Variants in ZNF148 observed in about 807,000 individuals in gnomAD.
ZNF148 encodes the protein Beta-Enolase Repressor Factor-1.
ZNF148 carries 7 observed loss-of-function variants against 67.7 expected under a neutral mutation model. The observed-to-expected ratio is 0.10, with a 90% CI of 0.06 to 0.19. ZNF148 has a LOEUF of 0.19. Ranked by LOEUF, ZNF148 falls within the 10% of genes least tolerant of loss-of-function variation. ZNF148 has a pLI of 1.00. For synonymous variants in ZNF148, 333 were observed against 330.7 expected (o/e 1.01, Z -0.08); for missense variants, 583 against 947.1 (o/e 0.62, Z 5.05).
chr3:125,332,718 G>T (rs1941339976), intron 1 of ZNF148, among the ~76,000 whole-genome samples: 1 of 152,084 alleles, frequency 6.6e-6, no homozygotes, highest in Non-Finnish European at 1.5e-5. Context: ...TATAAATACT[G>T]CCTGCCTATG....
chr3:125,268,425 ATAT>A (rs1937588754), intron 7 of ZNF148, among the ~76,000 whole-genome samples: 1 of 152,134 alleles, frequency 6.6e-6, no homozygotes, highest in Non-Finnish European at 1.5e-5. Context: ...CAACCAATTG[ATAT>A]TCAAGAAAGT....
chr3:125,232,412 C>A lies in ZNF148; in HGVS notation c.2314G>T (p.Val772Leu). 1 of 1,613,430 alleles carries A rather than the reference C, an allele frequency of 6.2e-7. No individual in the cohort carries two copies. Among genetic ancestry groups the A allele is most frequent in the Non-Finnish European group, 8.5e-7 (1 of 1,179,688 alleles). ...TSAEFSEFPL[V>L]NVNDNRAGMT... The stretch of plus-strand genomic sequence containing the variant: ...CCAGCTCTATTATCATTTACATTCA[C>A]CAAGGGAAATTCTGAAAATTCAGCA... Residue 772 changes from valine (V) to leucine (L), a missense_variant, in exon 9 of 9, where the codon GTG (valine) becomes TTG (leucine). By Grantham distance (32) the Val-to-Leu change is conservative. This residue lies in a region of ZNF148 where 158 missense variants were observed against 208.4 expected (regional missense o/e 0.76). Transcript: ENST00000360647. This position sits in a 1 kb window ranked among gnomAD's most constrained non-coding sequence, Gnocchi z 4.2.
In ZNF148 at chr3:125,352,680, A is replaced by G. The variant is rs1942197582; in HGVS notation, c.-233-21442T>C. Among the ~76,000 whole-genome samples, 3 of 141,772 alleles carry G rather than the reference A, an allele frequency of 2.1e-5. No homozygotes were observed. In the East Asian group the frequency reaches 6.1e-4, roughly 29 times the overall value. The allele number at this position is 141,772 out of a possible 152,430, so 93.0% of individuals were successfully genotyped here. ...TCTATCTTAAAAAAAAAAAAAAAAA[A>G]GATCTTCTCAAATTCAACTATAGGT... On this transcript the variant is annotated intron_variant, in intron 1 of 8. Coordinates refer to ENST00000360647, the MANE Select transcript of ZNF148 (RefSeq NM_021964.3).
chr3:125,325,331 G>A (rs1366334701), intron 2 of ZNF148, among the ~76,000 whole-genome samples: 1 of 151,616 alleles, frequency 6.6e-6, no homozygotes, highest in Non-Finnish European at 1.5e-5. Flanking sequence ...AGTAGAAAAA[G>A]ATGGAAGTAA....
intron 7 of ZNF148, among the ~76,000 whole-genome samples, chr3:125,242,158 T>C (rs1367449449): frequency 6.6e-6 from 1 of 152,118 alleles, no homozygotes; most frequent in African/African-American, 2.4e-5. Context: ...ATGGTAGGGG[T>C]AGAGTTGTTT....
intron 7 of ZNF148, among the ~76,000 whole-genome samples, chr3:125,273,406 A>C (rs1034768015): frequency 1.1e-4 from 17 of 152,208 alleles, no homozygotes; most frequent in African/African-American, 3.6e-4. Context: ...TAAAGGCTTA[A>C]AAAAGAACCT....
intron 4 of ZNF148, among the ~76,000 whole-genome samples, chr3:125,310,648 GA>G (rs907808190): frequency 3.3e-5 from 5 of 151,686 alleles, no homozygotes; most frequent in Non-Finnish European, 5.9e-5. Context: ...GAAATAGAGG[GA>G]AAAAAATCAA....
intron 1 of ZNF148, among the ~76,000 whole-genome samples, chr3:125,373,142 T>C (rs1222676953): frequency 6.6e-6 from 1 of 150,698 alleles, no homozygotes; most frequent in East Asian, 2.0e-4. Context: ...GAGTACAGCA[T>C]ACTATGTTTA....
intron 7 of ZNF148, among the ~76,000 whole-genome samples, chr3:125,251,499 G>A (rs1936840897): frequency 6.6e-6 from 1 of 152,180 alleles, no homozygotes; most frequent in South Asian, 2.1e-4. Context: ...CACTGCAGAA[G>A]CACCTCCACC....
At chr3:125,354,953 G>A (rs1039503774) in intron 1 of ZNF148, among the ~76,000 whole-genome samples, 1 of 152,124 alleles carries the variant, frequency 6.6e-6, no homozygotes, top group South Asian at 2.1e-4. Flanking sequence ...TCAAGCAAAA[G>A]TGATGCCACA....
chr3:125,271,689 T>C (rs1937746917), intron 7 of ZNF148, among the ~76,000 whole-genome samples: 1 of 152,192 alleles, frequency 6.6e-6, no homozygotes, highest in Non-Finnish European at 1.5e-5. Context: ...AGTGAGATAA[T>C]TTATGTATTG....
At chr3:125,365,935 C>T (rs1942688788) in intron 1 of ZNF148, among the ~76,000 whole-genome samples, 3 of 152,170 alleles carry the variant, frequency 2.0e-5, no homozygotes, top group Non-Finnish European at 4.4e-5. Context: ...CAAACTAATT[C>T]AAGCCCTTCT....
chr3:125,359,993 A>C (rs903522619), intron 1 of ZNF148, among the ~76,000 whole-genome samples: 1 of 152,208 alleles, frequency 6.6e-6, no homozygotes, highest in African/African-American at 2.4e-5. Context: ...AAGCCCAGGG[A>C]ATACAAGGGC....
intron 2 of ZNF148, among the ~76,000 whole-genome samples, chr3:125,324,740 A>G (rs1256697099): frequency 6.6e-6 from 1 of 152,230 alleles, no homozygotes. Context: ...TCCCACCTAC[A>G]TCCATATCAC....
intron 7 of ZNF148, among the ~76,000 whole-genome samples, chr3:125,259,941 C>T (rs1404262545): frequency 2.6e-5 from 4 of 152,116 alleles, no homozygotes; most frequent in Admixed American, 6.5e-5. Flanking sequence ...TTCACTTGCA[C>T]ACTTAGAGGC....
intron 2 of ZNF148, among the ~76,000 whole-genome samples, chr3:125,323,764 T>C (rs987061276): frequency 6.6e-6 from 1 of 151,784 alleles, no homozygotes; most frequent in Non-Finnish European, 1.5e-5. Context: ...ATTGAGACCA[T>C]CCTGGCTAAC....
intron 5 of ZNF148, among the ~76,000 whole-genome samples, chr3:125,284,502 T>C (rs369502805): frequency 6.6e-6 from 1 of 152,128 alleles, no homozygotes; most frequent in African/African-American, 2.4e-5. Flanking sequence ...CAGTGTGGAT[T>C]TGCAGGGTCA....
At chr3:125,303,019 T>C (rs1939676109) in intron 4 of ZNF148, among the ~76,000 whole-genome samples, 1 of 152,166 alleles carries the variant, frequency 6.6e-6, no homozygotes, top group Non-Finnish European at 1.5e-5. Context: ...GCAACACTAC[T>C]ACAAAACAAA....
intron 1 of ZNF148, among the ~76,000 whole-genome samples, chr3:125,370,137 C>A (rs190003717): frequency 6.6e-6 from 1 of 151,948 alleles, no homozygotes; most frequent in East Asian, 1.9e-4. Flanking sequence ...CAGCACCCTG[C>A]TACAGACCAG....
Sources: gnomAD v4.1 joint callset for allele counts (sites outside exome capture counted in the v4.1 genomes callset) on GRCh38, gnomAD v4.1.1 for gene constraint, gnomAD v4.1.1 regional missense constraint, Gnocchi (gnomAD v3.1) non-coding constraint, MANE v1.5 for transcripts, NCBI Gene and HGNC (gene_info 2026-07-23, HGNC 2026-07-21) for gene names.